Variants in SLC45A4 observed in about 807,000 individuals in gnomAD.
The protein encoded by SLC45A4 is solute carrier family 45 member 4, also known as polyamine-transporter SLC45A4.
Under a neutral mutation model 63.7 loss-of-function variants are expected in SLC45A4, and 32 were observed. The observed-to-expected ratio is 0.50, with a 90% confidence interval of 0.38 to 0.67. The LOEUF is 0.67. SLC45A4 is among the 30% of genes least tolerant of loss of function. SLC45A4 has a pLI of 0.00. For missense variants in SLC45A4, 1,027 were observed against 1,157.7 expected, an observed-to-expected ratio of 0.89 and a Z score of 1.64; for synonymous variants, 535 against 510.0, an observed-to-expected ratio of 1.05 and a Z score of -0.66.
At chr8:141,307,660 G>T (rs1380999961) in intron 1 of SLC45A4, among the ~76,000 whole-genome samples, 1 of 152,110 alleles carries the variant, frequency 6.6e-6, no homozygotes, top group Non-Finnish European at 1.5e-5. Context: ...TAGCAGGCAG[G>T]GGTTAGAAGG....
intron 2 of SLC45A4, chr8:141,225,511 C>G (rs1488948078): frequency 6.5e-6 from 1 of 153,512 alleles, no homozygotes; most frequent in Non-Finnish European, 1.5e-5. Context: ...CAAGCGCTGG[C>G]TGGGTGTCAG....
intron 7 of SLC45A4, among the ~76,000 whole-genome samples, chr8:141,212,882 C>T (rs1825924883): frequency 6.6e-6 from 1 of 152,236 alleles, no homozygotes; most frequent in African/African-American, 2.4e-5. Context: ...CGGGCTCCCC[C>T]TCACCCTGGT....
chr8:141,256,395 C>T lies in SLC45A4; in HGVS notation c.-400-1766G>A, dbSNP rs374355318. 7 of 358,036 alleles carry T rather than the reference C, an allele frequency of 2.0e-5. No homozygotes were observed. Among genetic ancestry groups the T allele is most frequent in the Middle Eastern group, 4.8e-4 (1 of 2,090 alleles). The allele number at this position is 358,036 out of a possible 1,614,324, so 22.2% of individuals were successfully genotyped here. On this transcript the variant is annotated intron_variant, in intron 1 of 8. Transcript: ENST00000517878. The surrounding 1 kb of genome is among the most constrained non-coding windows in gnomAD (Gnocchi z 4.3). ...AAAAATATTTCTCATTACTTTCCAC[C>T]GAACCAAAGGTGGTCTTAATTAGCT... is the stretch of plus-strand genomic sequence containing the variant.
chr8:141,272,127 CA>C (rs1386556544), intron 1 of SLC45A4, among the ~76,000 whole-genome samples: 1 of 152,238 alleles, frequency 6.6e-6, no homozygotes, highest in Non-Finnish European at 1.5e-5. Flanking sequence ...GTGTCTCTTT[CA>C]AAAATTTTCA....
intron 2 of SLC45A4, among the ~76,000 whole-genome samples, chr8:141,235,313 C>G (rs532778316): frequency 6.6e-6 from 1 of 152,284 alleles, no homozygotes; most frequent in East Asian, 1.9e-4. Context: ...AAATCATGAG[C>G]GTCAGGTTAC....
intron 1 of SLC45A4, among the ~76,000 whole-genome samples, chr8:141,300,553 G>C (rs995537790): frequency 1.4e-4 from 22 of 152,236 alleles, no homozygotes; most frequent in Non-Finnish European, 4.4e-5. Flanking sequence ...CCATGGCCCT[G>C]ATCCTAATGG....
At chr8:141,303,179 T>C (rs1440400217) in intron 1 of SLC45A4, among the ~76,000 whole-genome samples, 2 of 151,920 alleles carry the variant, frequency 1.3e-5, no homozygotes, top group Admixed American at 6.6e-5. Flanking sequence ...TTTGTATTTA[T>C]AGAGACAGGG....
intron 1 of SLC45A4, among the ~76,000 whole-genome samples, chr8:141,295,180 C>T (rs1011630070): frequency 9.9e-5 from 15 of 152,182 alleles, no homozygotes; most frequent in Non-Finnish European, 2.2e-4. Flanking sequence ...GGCATGTGAG[C>T]CAGGGAAGGC....
chr8:141,242,770 A>G (rs1234441805), intron 2 of SLC45A4, among the ~76,000 whole-genome samples: 1 of 152,206 alleles, frequency 6.6e-6, no homozygotes, highest in Non-Finnish European at 1.5e-5. Flanking sequence ...ACCTCAATGC[A>G]CAGGCCCGAG....
rs904819266 is a variant in SLC45A4 at position 141,227,064 on chromosome 8, G to A, written c.242-5299C>T. 4 of 152,394 alleles carry A rather than the reference G, an allele frequency of 2.6e-5. No individual in the cohort carries two copies. The highest frequency in any genetic ancestry group is 2.1e-4 in the South Asian group (1 of 4,834). 9.4% of individuals were successfully genotyped at this position (152,394 alleles called of 1,614,324 possible). On this transcript the variant is annotated intron_variant, in intron 2 of 8. Coordinates refer to ENST00000517878, the MANE Select transcript of SLC45A4 (RefSeq NM_001286646.2). This position sits in a 1 kb window ranked among gnomAD's most constrained non-coding sequence, Gnocchi z 4.4. The stretch of plus-strand genomic sequence containing the variant: ...CGTAGCAGGGGGCTGCCACTGGGAC[G>A]GCTCTGACGGGGCATTTCCCAGCCC...
chr8:141,285,589 C>CT (rs1830109313), intron 1 of SLC45A4, among the ~76,000 whole-genome samples: 12 of 152,014 alleles, frequency 7.9e-5, no homozygotes, highest in Admixed American at 6.5e-5. Context: ...GCACTCCACC[C>CT]ACTGCACATC....
chr8:141,230,807 A>G (rs995842340), intron 2 of SLC45A4, among the ~76,000 whole-genome samples: 4 of 152,260 alleles, frequency 2.6e-5, no homozygotes, highest in Non-Finnish European at 2.9e-5. Flanking sequence ...GCTGCCAGAG[A>G]GCATGTGGCA....
In SLC45A4 at chr8:141,218,781, C is replaced by T. The variant is rs767485640; in HGVS notation, c.859G>A (p.Val287Ile). 39 of 1,613,214 alleles carry T rather than the reference C, an allele frequency of 2.4e-5. No homozygotes were observed. The South Asian group carries it at 4.0e-4, about 16-fold the overall frequency. The change falls in exon 5 of 9, where the codon GTA (valine) becomes ATA (isoleucine). Residue 287 changes from valine (V) to isoleucine (I), a missense_variant. By Grantham distance (29) the Val-to-Ile change is conservative. Coordinates refer to ENST00000517878, the MANE Select transcript of SLC45A4 (RefSeq NM_001286646.2). ...PHGVPAFPDE[V>I]QSEHELALDY... Reference sequence around the variant, plus strand: ...AGGGCCAGCTCGTGCTCCGACTGTACCTCGTCTGGGAAGGCAGGGACGCCG... The same window carrying T: ...AGGGCCAGCTCGTGCTCCGACTGTATCTCGTCTGGGAAGGCAGGGACGCCG...
intron 1 of SLC45A4, among the ~76,000 whole-genome samples, chr8:141,269,635 G>T (rs1368171571): frequency 3.3e-5 from 5 of 151,718 alleles, no homozygotes; most frequent in South Asian, 2.1e-4. Context: ...TGTGCGGGGG[G>T]TGTGTGGGGG....
In SLC45A4 at chr8:141,215,610, GC is replaced by G; in HGVS notation, c.1941+148del. Reference sequence around the variant, plus strand: ...TCAGGGGCAGGTGGTGGCTCTGTGGGCTTTGGAAGGGGCCATCTCAGAACCG... The same window carrying G: ...TCAGGGGCAGGTGGTGGCTCTGTGGGTTTGGAAGGGGCCATCTCAGAACCG... On this transcript the variant is annotated intron_variant, in intron 7 of 8. Coordinates refer to ENST00000517878, the MANE Select transcript of SLC45A4 (RefSeq NM_001286646.2). The surrounding 1 kb of genome is among the most constrained non-coding windows in gnomAD (Gnocchi z 4.3). 1 of 782,502 alleles carries G rather than the reference GC, an allele frequency of 1.3e-6. No homozygotes were observed. Among genetic ancestry groups the G allele is most frequent in the South Asian group, 1.7e-5 (1 of 59,202 alleles). 48.5% of individuals were successfully genotyped at this position (782,502 alleles called of 1,614,324 possible).
At chr8:141,245,328 G>A (rs1247458348) in intron 2 of SLC45A4, among the ~76,000 whole-genome samples, 1 of 152,144 alleles carries the variant, frequency 6.6e-6, no homozygotes, top group Non-Finnish European at 1.5e-5. Flanking sequence ...CCACCGTTTC[G>A]AGGAGGGACA....
rs1827251052 is a variant in SLC45A4 at position 141,229,881 on chromosome 8, GCT to G, written c.242-8118_242-8117del. On this transcript the variant is annotated intron_variant, in intron 2 of 8. Transcript: ENST00000517878. The surrounding 1 kb of genome is among the most constrained non-coding windows in gnomAD (Gnocchi z 5.0). ...TGCTGCCCTGCATGTAAAGGGGCAC[GCT>G]GGGAAAGGTGGGCATTATGGAGATT... is the stretch of plus-strand genomic sequence containing the variant. Among the ~76,000 whole-genome samples, 1 of 152,164 alleles carries G rather than the reference GCT, an allele frequency of 6.6e-6. No individual in the cohort carries two copies. The highest frequency in any genetic ancestry group is 2.4e-5 in the African/African-American group (1 of 41,432).
At chr8:141,253,371 G>A (rs539897312) in intron 2 of SLC45A4, 22 of 205,582 alleles carry the variant, frequency 1.1e-4, no homozygotes, top group African/African-American at 4.5e-4. Flanking sequence ...ACCTGTGCGT[G>A]CCTGTGAATT....
intron 1 of SLC45A4, among the ~76,000 whole-genome samples, chr8:141,258,284 C>T (rs1828896580): frequency 6.6e-6 from 1 of 152,172 alleles, no homozygotes; most frequent in South Asian, 2.1e-4. Context: ...CAGCCTCACT[C>T]TGCTCCGTGC....
Sources: allele counts gnomAD v4.1 joint callset (sites outside exome capture counted in the v4.1 genomes callset), GRCh38; gene constraint gnomAD v4.1.1; non-coding constraint Gnocchi (gnomAD v3.1); transcripts MANE v1.5; gene names NCBI Gene and HGNC (gene_info 2026-07-23, HGNC 2026-07-21).